KIAA1549L: variants seen among roughly 807,000 people sequenced by gnomAD.
The protein encoded by KIAA1549L is UPF0606 protein KIAA1549L.
KIAA1549L carries 88 observed loss-of-function variants against 160.7 expected under a neutral mutation model. The ratio of observed to expected loss-of-function variants is 0.55; its 90% CI spans 0.46 to 0.65. KIAA1549L has a LOEUF of 0.65. KIAA1549L is among the 30% of genes least tolerant of loss of function. KIAA1549L has a pLI of 0.00. For missense variants in KIAA1549L, 2,258 were observed against 2,437.5 expected (o/e 0.93, Z 1.55); for synonymous variants, 950 against 976.7 (o/e 0.97, Z 0.51).
chr11:33,451,625 G>GA (rs1851722900), intron 1 of KIAA1549L, among the ~76,000 whole-genome samples: 1 of 152,334 alleles, frequency 6.6e-6, no homozygotes, highest in South Asian at 2.1e-4. Context: ...GATCTTGTCT[G>GA]AAAGACAGAA....
intron 16 of KIAA1549L, among the ~76,000 whole-genome samples, chr11:33,635,727 T>G (rs1184458061): frequency 6.7e-6 from 1 of 148,884 alleles, no homozygotes; most frequent in Non-Finnish European, 1.5e-5. Context: ...TTTAGACAAA[T>G]GGAAATGTCT....
chr11:33,549,354 C>CTTTG (rs199645283), intron 4 of KIAA1549L, among the ~76,000 whole-genome samples: 1 of 152,094 alleles, frequency 6.6e-6, no homozygotes, highest in South Asian at 2.1e-4. Flanking sequence ...CCTGGTATCC[C>CTTTG]TTTGTTTGTT....
chr11:33,445,725 G>A (rs1851596852), intron 1 of KIAA1549L, among the ~76,000 whole-genome samples: 1 of 152,218 alleles, frequency 6.6e-6, no homozygotes, highest in Non-Finnish European at 1.5e-5. Context: ...CATTGTCAGC[G>A]TGGGGACAGT....
chr11:33,551,304 A>C, intron 5 of KIAA1549L, 45 bp downstream of exon 5: 2 of 1,536,458 alleles, frequency 1.3e-6, no homozygotes, highest in Non-Finnish European at 1.8e-6. Flanking sequence ...TCTTGGGTTC[A>C]GGGCCAGTAC....
chr11:33,559,707 A>G lies in KIAA1549L; in HGVS notation c.3856-42A>G, dbSNP rs774431585. ...CCTCCATGAAACACACCCTGGTCTT[A>G]TTTGGCCTGTCTCCCTCCCCTTTTC... On this transcript the variant is annotated intron_variant, in intron 6 of 20. Transcript: ENST00000658780. The G allele has an allele frequency of 1.9e-6, 3 of 1,583,706 alleles. No homozygotes were observed. In the South Asian group the frequency reaches 3.3e-5, roughly 18 times the overall value.
intron 1 of KIAA1549L, among the ~76,000 whole-genome samples, chr11:33,488,730 A>G (rs1233670470): frequency 6.6e-6 from 1 of 152,252 alleles, no homozygotes; most frequent in Non-Finnish European, 1.5e-5. Context: ...GTCATATTAC[A>G]TTTAGAACAA....
At chr11:33,501,542 G>C (rs889376496) in intron 1 of KIAA1549L, among the ~76,000 whole-genome samples, 23 of 152,166 alleles carry the variant, frequency 1.5e-4, no homozygotes, top group Admixed American at 6.5e-5. Flanking sequence ...GAAGGTAACT[G>C]TTGTCATGGG....
intron 17 of KIAA1549L, among the ~76,000 whole-genome samples, chr11:33,650,841 T>C (rs1270620873): frequency 1.2e-4 from 19 of 152,216 alleles, no homozygotes; most frequent in Admixed American, 1.2e-3. Flanking sequence ...CATACTCTTC[T>C]TTTCCTGCAC....
intron 12 of KIAA1549L, among the ~76,000 whole-genome samples, chr11:33,595,372 A>T (rs1850170750): frequency 6.6e-6 from 1 of 152,090 alleles, no homozygotes; most frequent in Non-Finnish European, 1.5e-5. Context: ...GATTACAGAC[A>T]TGTGCCACCA....
chr11:33,443,263 G>C (rs1386933788), intron 1 of KIAA1549L, among the ~76,000 whole-genome samples: 1 of 151,938 alleles, frequency 6.6e-6, no homozygotes, highest in Non-Finnish European at 1.5e-5. Context: ...GCCTCCCACA[G>C]TGGTGCGATT....
intron 1 of KIAA1549L, among the ~76,000 whole-genome samples, chr11:33,382,607 C>A (rs1292094689): frequency 1.3e-5 from 2 of 151,970 alleles, no homozygotes; most frequent in Admixed American, 6.6e-5. Flanking sequence ...GACATATGAC[C>A]AGAGTGTTTG....
At chr11:33,505,209 C>T (rs117469862) in intron 1 of KIAA1549L, among the ~76,000 whole-genome samples, 10 of 152,352 alleles carry the variant, frequency 6.6e-5, no homozygotes, top group African/African-American at 1.4e-4. Flanking sequence ...TCCTCCTGCT[C>T]GCCTCAGAAG....
chr11:33,419,529 C>T (rs897164331), intron 1 of KIAA1549L, among the ~76,000 whole-genome samples: 2 of 151,994 alleles, frequency 1.3e-5, no homozygotes, highest in Non-Finnish European at 2.9e-5. Flanking sequence ...ATCTTTTTTT[C>T]TCTTTTTTTG....
intron 1 of KIAA1549L, among the ~76,000 whole-genome samples, chr11:33,526,642 A>G (rs975727252): frequency 5.9e-5 from 9 of 152,184 alleles, no homozygotes; most frequent in African/African-American, 2.2e-4. Context: ...TACATCAAGG[A>G]ATCACCCCAT....
At chr11:33,420,033 C>G (rs760927929) in intron 1 of KIAA1549L, among the ~76,000 whole-genome samples, 1 of 152,032 alleles carries the variant, frequency 6.6e-6, no homozygotes, top group Non-Finnish European at 1.5e-5. Context: ...TGAGCCATCT[C>G]TTTAGATTAT....
At chr11:33,592,381 G>A (rs1331874636) in intron 12 of KIAA1549L, among the ~76,000 whole-genome samples, 2 of 152,176 alleles carry the variant, frequency 1.3e-5, no homozygotes, top group African/African-American at 4.8e-5. Flanking sequence ...GAGGCCAAGA[G>A]ACTCATTGTA....
chr11:33,532,115 T>C (rs1361448813), intron 1 of KIAA1549L, among the ~76,000 whole-genome samples: 3 of 152,204 alleles, frequency 2.0e-5, no homozygotes, highest in African/African-American at 7.2e-5. Flanking sequence ...TAACTCTTGG[T>C]GTGACCTTGA....
At chr11:33,651,065 C>G (rs543874586) in intron 17 of KIAA1549L, among the ~76,000 whole-genome samples, 2 of 152,212 alleles carry the variant, frequency 1.3e-5, no homozygotes, top group East Asian at 3.8e-4. Context: ...CCTCTCCTTC[C>G]TATCCACAGA....
intron 1 of KIAA1549L, among the ~76,000 whole-genome samples, chr11:33,500,246 C>A (rs1389060391): frequency 6.6e-6 from 1 of 152,124 alleles, no homozygotes; most frequent in East Asian, 1.9e-4. Context: ...GTAACTGTTT[C>A]AAGATCGAGT....
Sources: gnomAD v4.1 joint callset for allele counts (sites outside exome capture counted in the v4.1 genomes callset) on GRCh38, gnomAD v4.1.1 for gene constraint, MANE v1.5 for transcripts, NCBI Gene and HGNC (gene_info 2026-07-23, HGNC 2026-07-21) for gene names.